Variants in DNAH11 observed in about 807,000 individuals in gnomAD.
The protein encoded by DNAH11 is dynein axonemal heavy chain 11.
DNAH11 carries 442 observed loss-of-function variants against 526.0 expected under a neutral mutation model. The ratio of observed to expected loss-of-function variants is 0.84; its 90% CI spans 0.78 to 0.91. The LOEUF (loss-of-function observed/expected upper bound fraction) is 0.91. Among genes scored for constraint, DNAH11 ranks in the 40% least tolerant of loss-of-function variants. The pLI, the probability that DNAH11 is intolerant of heterozygous loss-of-function variation, is 0.00. For missense variants in DNAH11, 6,989 were observed against 5,448.7 expected, an observed-to-expected ratio of 1.28 and a Z score of -8.90; for synonymous variants, 2,461 against 1,935.9, an observed-to-expected ratio of 1.27 and a Z score of -7.12.
At chr7:21,569,127 G>T (rs1250033856) in intron 6 of DNAH11, among the ~76,000 whole-genome samples, 1 of 152,118 alleles carries the variant, frequency 6.6e-6, no homozygotes, top group Non-Finnish European at 1.5e-5. Flanking sequence ...ATGTAAAACT[G>T]TTTTCATTAA....
At chr7:21,769,718 C>T (rs1787341910) in intron 55 of DNAH11, among the ~76,000 whole-genome samples, 1 of 152,102 alleles carries the variant, frequency 6.6e-6, no homozygotes, top group African/African-American at 2.4e-5. Flanking sequence ...CTCTTGACCT[C>T]GGGTTATCTG....
rs559384404 is a variant in DNAH11 at position 21,628,217 on chromosome 7, C to G, written c.4501-7654C>G. On this transcript the variant is annotated intron_variant, in intron 25 of 81. Transcript: ENST00000409508. ...TGGAGTCTTTAGGTTTTTCTAAGTA[C>G]AAGATCATGTAATCTGAGAACAAGG... Among the ~76,000 whole-genome samples, 8 of 151,958 alleles carry G rather than the reference C, an allele frequency of 5.3e-5. No homozygotes were observed. In the East Asian group the frequency reaches 1.5e-3, roughly 29 times the overall value.
chr7:21,775,470 G>C (rs1787631715), intron 56 of DNAH11, among the ~76,000 whole-genome samples: 2 of 151,840 alleles, frequency 1.3e-5, no homozygotes, highest in Admixed American at 1.3e-4. Flanking sequence ...ATTTTTTAAT[G>C]AGCCGAGCAT....
chr7:21,817,285 T>C (rs1186663813), intron 64 of DNAH11, among the ~76,000 whole-genome samples: 1 of 152,134 alleles, frequency 6.6e-6, no homozygotes, highest in Non-Finnish European at 1.5e-5. Context: ...ATTCAGTTAA[T>C]GTTGAATAAA....
intron 4 of DNAH11, 61 bp downstream of exon 4, chr7:21,559,853 C>A: frequency 2.9e-6 from 4 of 1,360,768 alleles, no homozygotes; most frequent in Non-Finnish European, 3.0e-6. Context: ...GCTGCAATGA[C>A]CAATAGTTTT....
chr7:21,543,276 C>G lies in DNAH11; in HGVS notation c.31C>G (p.Arg11Gly), dbSNP rs758658916. 1.3e-6 allele frequency: 2 copies of G among 1,541,154 alleles called. No homozygotes were observed. The highest frequency in any genetic ancestry group is 1.8e-6 in the Non-Finnish European group (2 of 1,141,852). ...AGCCCAGGTGGCAGCCCGGGAGGCGCGAGACTTCAGAGAAGCCCCGACCCT... is the reference window on the plus strand; with the variant it reads ...AGCCCAGGTGGCAGCCCGGGAGGCGGGAGACTTCAGAGAAGCCCCGACCCT... MAAQVAAREARDFREAPTLRL... is the reference protein window; with the variant it reads MAAQVAAREAGDFREAPTLRL... The change falls in exon 1 of 82, where the codon CGA becomes GGA. Residue 11 changes from arginine to glycine, a missense_variant. By Grantham distance (125) the Arg-to-Gly change is moderately radical (BLOSUM62 -2). Coordinates refer to ENST00000409508, the MANE Select transcript of DNAH11 (RefSeq NM_001277115.2).
intron 18 of DNAH11, among the ~76,000 whole-genome samples, chr7:21,605,727 A>G (rs1785254824): frequency 6.6e-6 from 1 of 152,170 alleles, no homozygotes; most frequent in African/African-American, 2.4e-5. Context: ...TCACTTGCTA[A>G]ATTACTAAAC....
At chr7:21,775,994 G>A (rs371587006) in intron 56 of DNAH11, among the ~76,000 whole-genome samples, 10 of 152,154 alleles carry the variant, frequency 6.6e-5, no homozygotes, top group African/African-American at 2.2e-4. Flanking sequence ...AGCAAGTGGG[G>A]TACCATCCTG....
chr7:21,838,026 A>G (rs1050353776), intron 65 of DNAH11, among the ~76,000 whole-genome samples: 2 of 152,218 alleles, frequency 1.3e-5, no homozygotes, highest in Admixed American at 1.3e-4. Flanking sequence ...GGCTGAGTCA[A>G]AAGAACTAGC....
At chr7:21,855,712 A>T (rs1388187846) in intron 68 of DNAH11, among the ~76,000 whole-genome samples, 1 of 152,156 alleles carries the variant, frequency 6.6e-6, no homozygotes, top group African/African-American at 2.4e-5. Context: ...TCATCTGTTC[A>T]TCCGTTTTTA....
In DNAH11 at chr7:21,748,584, C is replaced by T. The variant is rs770483579; in HGVS notation, c.8515C>T (p.Arg2839Cys). 17 of 1,527,292 alleles carry T rather than the reference C, an allele frequency of 1.1e-5. No homozygotes were observed. The highest frequency in any genetic ancestry group is 1.4e-5 in the Non-Finnish European group (16 of 1,133,306). 94.6% of individuals were successfully genotyped at this position (1,527,292 alleles called of 1,614,324 possible). A position where few individuals can be genotyped will look rare whatever the true frequency, so the allele number is the denominator to read the frequency against. The change falls in exon 52 of 82, where the codon CGC becomes TGC. Residue 2839 changes from arginine to cysteine, a missense_variant. Physicochemically the swap from Arg to Cys is radical, Grantham distance 180. Transcript: ENST00000409508. ...LFEDAMQHVC[R>C]ISRILRTPQG... is the part of the protein sequence containing the mutation. Reference sequence around the variant, plus strand: ...ATGGGCGCTTCCTTTCCTCAGGTGTCGCATCAGCCGGATCTTACGAACCCC... The same window carrying T: ...ATGGGCGCTTCCTTTCCTCAGGTGTTGCATCAGCCGGATCTTACGAACCCC...
chr7:21,794,455 C>T (rs1394506004), intron 61 of DNAH11, among the ~76,000 whole-genome samples: 1 of 152,124 alleles, frequency 6.6e-6, no homozygotes, highest in African/African-American at 2.4e-5. Context: ...TCACTGCTTC[C>T]TTTTCAGCAC....
intron 8 of DNAH11, among the ~76,000 whole-genome samples, chr7:21,574,457 C>G (rs943247556): frequency 9.9e-5 from 15 of 152,100 alleles, no homozygotes; most frequent in African/African-American, 3.6e-4. Context: ...CACTAAATTA[C>G]CTGAGATTAT....
At position 21,784,336 on chromosome 7, in the gene DNAH11, T is replaced by C. The variant is rs1048249311; in HGVS notation, c.9484-91T>C. The C allele has an allele frequency of 1.0e-4, 96 of 925,274 alleles. 1 individual carries two copies. The highest frequency in any genetic ancestry group is 8.7e-4 in the South Asian group (61 of 69,896). The allele number at this position is 925,274 out of a possible 1,614,324, so 57.3% of individuals were successfully genotyped here. A position where few individuals can be genotyped will look rare whatever the true frequency, so the allele number is the denominator to read the frequency against. ...TCAAAGTACAGAGAAATGAATTATT[T>C]AACAGTGCATCTGAGTCAACCTCCA... On this transcript the variant is annotated intron_variant, in intron 57 of 81. Transcript: ENST00000409508.
chr7:21,638,324 A>G (rs757472979), intron 27 of DNAH11, among the ~76,000 whole-genome samples: 1 of 152,184 alleles, frequency 6.6e-6, no homozygotes, highest in Non-Finnish European at 1.5e-5. Context: ...GCAGTTTTAT[A>G]GTCTGAAAGT....
rs144190773 is a variant in DNAH11, at chr7:21,699,240, C to T, written c.6180+1027C>T. Reference sequence around the variant, plus strand: ...AGGTAGGGTTGACTGGTTTTTTGTTCTTTTAAATTTGTGCTCTACAATTTC... The same window carrying T: ...AGGTAGGGTTGACTGGTTTTTTGTTTTTTTAAATTTGTGCTCTACAATTTC... On this transcript the variant is annotated intron_variant, in intron 36 of 81. Transcript: ENST00000409508. Among the ~76,000 whole-genome samples, 609 of 151,942 alleles carry T rather than the reference C, an allele frequency of 4.0e-3. 5 individuals carry two copies. Among genetic ancestry groups the T allele is most frequent in the African/African-American group, 0.014 (567 of 41,468 alleles).
intron 28 of DNAH11, among the ~76,000 whole-genome samples, chr7:21,640,837 C>G (rs1787096380): frequency 6.6e-6 from 1 of 152,122 alleles, no homozygotes; most frequent in African/African-American, 2.4e-5. Context: ...GGGAGGGAGA[C>G]TTCAGCTTTT....
intron 25 of DNAH11, among the ~76,000 whole-genome samples, chr7:21,621,072 G>A (rs78698760): frequency 0.44 from 66,736 of 151,546 alleles, 15,077 homozygotes; most frequent in East Asian, 0.58. Flanking sequence ...TCCTTTGGGT[G>A]TATACCCAGT....
At chr7:21,583,196 G>T (rs562491963) in intron 9 of DNAH11, among the ~76,000 whole-genome samples, 10 of 152,216 alleles carry the variant, frequency 6.6e-5, no homozygotes, top group African/African-American at 1.7e-4. Context: ...ACACTACAAG[G>T]CTACAGTAAC....
Sources: gnomAD v4.1 joint callset for allele counts (sites outside exome capture counted in the v4.1 genomes callset) on GRCh38, gnomAD v4.1.1 for gene constraint, MANE v1.5 for transcripts, NCBI Gene and HGNC (gene_info 2026-07-23, HGNC 2026-07-21) for gene names.